ARG2: variants seen among roughly 807,000 people sequenced by gnomAD.
ARG2 encodes the protein arginase 2.
A neutral mutation model predicts 39.4 loss-of-function variants in ARG2; 21 were observed. That is an observed-to-expected ratio of 0.53 (90% CI 0.38 to 0.77). The LOEUF (loss-of-function observed/expected upper bound fraction) is 0.77. Among genes scored for constraint, ARG2 ranks in the 30% least tolerant of loss-of-function variants. ARG2 has a pLI of 0.00. For synonymous variants in ARG2, 150 were observed against 156.7 expected (o/e 0.96, Z 0.32); for missense variants, 378 against 426.2 (o/e 0.89, Z 1.00).
intron 2 of ARG2, among the ~76,000 whole-genome samples, chr14:67,633,111 C>T (rs10150340): frequency 0.031 from 4,668 of 152,198 alleles, 223 homozygotes; most frequent in African/African-American, 0.1. Context: ...TGAGCCACTG[C>T]GCCCGGCCAA....
intron 2 of ARG2, 87 bp downstream of exon 2, chr14:67,621,053 C>A: frequency 1.5e-6 from 2 of 1,309,730 alleles, no homozygotes; most frequent in African/African-American, 1.5e-5. Context: ...GACTACACAG[C>A]TTTGTGTTTG....
intron 2 of ARG2, among the ~76,000 whole-genome samples, chr14:67,631,544 T>C (rs2036919560): frequency 6.7e-6 from 1 of 148,916 alleles, no homozygotes; most frequent in African/African-American, 2.5e-5. Flanking sequence ...CAAACGATCC[T>C]CCTACTTTAG....
chr14:67,651,274 C>T lies in ARG2; in HGVS notation c.*354C>T, dbSNP rs1430775320. On this transcript the variant is annotated 3_prime_UTR_variant, in exon 8 of 8. Transcript: ENST00000261783. The stretch of plus-strand genomic sequence containing the variant: ...CCTCCCACAGCCTGGCTATACAGTG[C>T]ATCCTTGAACTGTCAGCCCACAGCA... The T allele has an allele frequency of 3.8e-6, 6 of 1,587,990 alleles. No individual in the cohort carries two copies. The highest frequency in any genetic ancestry group is 5.1e-6 in the Non-Finnish European group (6 of 1,167,794).
chr14:67,625,677 T>C (rs2036857542), intron 2 of ARG2, among the ~76,000 whole-genome samples: 1 of 72,064 alleles, frequency 1.4e-5, no homozygotes, highest in African/African-American at 8.2e-5. Flanking sequence ...CAAAACTCCA[T>C]CTCAAAAAAA....
At chr14:67,644,327 A>G (rs1321280594) in intron 3 of ARG2, among the ~76,000 whole-genome samples, 2 of 152,166 alleles carry the variant, frequency 1.3e-5, no homozygotes, top group Non-Finnish European at 1.5e-5. Flanking sequence ...TATTATCCCT[A>G]TCTCACAGAA....
rs569627064 is a variant in ARG2, at chr14:67,621,687, C to T, written c.184+721C>T. On this transcript the variant is annotated intron_variant, in intron 2 of 7. Coordinates refer to ENST00000261783, the MANE Select transcript of ARG2 (RefSeq NM_001172.4). ...CTTGAACTCCTGACCTCAGGTGATC[C>T]GCCCACCTCAGCTTCCCAAAGTGCT... 9.1e-4 allele frequency among the ~76,000 whole-genome samples: 138 copies of T among 151,476 alleles called. 1 individual carries two copies. Among genetic ancestry groups the T allele is most frequent in the Non-Finnish European group, 2.9e-4 (20 of 67,892 alleles).
chr14:67,647,791 A>G (rs539191345), intron 6 of ARG2: 21 of 454,464 alleles, frequency 4.6e-5, no homozygotes, highest in Non-Finnish European at 7.1e-5. Context: ...TAAGGCAGAA[A>G]TATACATTGG....
intron 2 of ARG2, among the ~76,000 whole-genome samples, chr14:67,638,597 C>A (rs2036997007): frequency 6.6e-6 from 1 of 152,126 alleles, no homozygotes; most frequent in Non-Finnish European, 1.5e-5. Context: ...CCTTACCTGG[C>A]ACTGAAACTG....
intron 2 of ARG2, among the ~76,000 whole-genome samples, chr14:67,621,454 CTTT>C (rs551156183): frequency 6.9e-6 from 1 of 145,512 alleles, no homozygotes; most frequent in Non-Finnish European, 1.5e-5. Context: ...TTTCCGTGTT[CTTT>C]TTTTTTTTCT....
chr14:67,650,983 T>C lies in ARG2; in HGVS notation c.*63T>C, dbSNP rs551234244. 26 of 1,483,482 alleles carry C rather than the reference T, an allele frequency of 1.8e-5. 1 individual carries two copies. In the East Asian group the frequency reaches 2.3e-4, roughly 13 times the overall value. The allele number at this position is 1,483,482 out of a possible 1,614,324, so 91.9% of individuals were successfully genotyped here. ...CCAGAATTATGAGGCATTGAGGGGATAGATGAATACTAAATGGTTGTCTGG... is the reference window on the plus strand; with the variant it reads ...CCAGAATTATGAGGCATTGAGGGGACAGATGAATACTAAATGGTTGTCTGG... On this transcript the variant is annotated 3_prime_UTR_variant, in exon 8 of 8. Coordinates refer to ENST00000261783, the MANE Select transcript of ARG2 (RefSeq NM_001172.4).
chr14:67,641,217 T>C (rs922358610), intron 2 of ARG2, among the ~76,000 whole-genome samples: 4 of 152,148 alleles, frequency 2.6e-5, no homozygotes, highest in Non-Finnish European at 4.4e-5. Flanking sequence ...CTTCAGGCTA[T>C]GTGTATAAAG....
chr14:67,640,470 A>C (rs990326552), intron 2 of ARG2, among the ~76,000 whole-genome samples: 2 of 152,180 alleles, frequency 1.3e-5, no homozygotes, highest in East Asian at 3.8e-4. Context: ...TGTTATGGTC[A>C]CTGCTCCTCA....
chr14:67,636,261 CAA>C (rs77716844), intron 2 of ARG2, among the ~76,000 whole-genome samples: 3 of 142,686 alleles, frequency 2.1e-5, no homozygotes, highest in African/African-American at 7.7e-5. Context: ...CTTATGCTGT[CAA>C]AAAAAAAAAC....
At chr14:67,638,705 C>T (rs2036998256) in intron 2 of ARG2, among the ~76,000 whole-genome samples, 1 of 152,166 alleles carries the variant, frequency 6.6e-6, no homozygotes, top group African/African-American at 2.4e-5. Flanking sequence ...TCAGGCAGGG[C>T]CTCTCAAGGT....
At chr14:67,626,515 C>T (rs1371665065) in intron 2 of ARG2, among the ~76,000 whole-genome samples, 1 of 152,144 alleles carries the variant, frequency 6.6e-6, no homozygotes, top group Non-Finnish European at 1.5e-5. Context: ...AACATATATT[C>T]ACACAAACTT....
At chr14:67,639,069 G>C (rs2037003142) in intron 2 of ARG2, among the ~76,000 whole-genome samples, 1 of 152,226 alleles carries the variant, frequency 6.6e-6, no homozygotes, top group Non-Finnish European at 1.5e-5. Context: ...CCTGTAATGA[G>C]AGCAGAGTGG....
intron 2 of ARG2, among the ~76,000 whole-genome samples, chr14:67,630,405 A>G (rs536355306): frequency 6.6e-6 from 1 of 152,270 alleles, no homozygotes; most frequent in Admixed American, 6.5e-5. Context: ...ATGGTGCCAG[A>G]TGGTTGTAGC....
Position 67,646,744 on chromosome 14 carries a change from T to C in ARG2, c.617+6T>C, listed in dbSNP as rs369996960. 9 of 1,604,202 alleles carry C rather than the reference T, an allele frequency of 5.6e-6. No individual in the cohort carries two copies. In the African/African-American group the frequency reaches 1.1e-4, roughly 19 times the overall value. ...GACGTGGACCCTCCTGAACAGTAAG[T>C]TGATGCATTTGGCTGAAGTTTAGGG... On this transcript the variant is annotated splice_donor_region_variant and intron_variant, in intron 5 of 7. Coordinates refer to ENST00000261783, the MANE Select transcript of ARG2 (RefSeq NM_001172.4).
At chr14:67,645,026 T>C (rs1379230295) in intron 3 of ARG2, among the ~76,000 whole-genome samples, 1 of 151,534 alleles carries the variant, frequency 6.6e-6, no homozygotes, top group African/African-American at 2.4e-5. Context: ...TTGAATGCCA[T>C]GCTAATATAT....
Sources: allele counts gnomAD v4.1 joint callset (sites outside exome capture counted in the v4.1 genomes callset), GRCh38; gene constraint gnomAD v4.1.1; transcripts MANE v1.5; gene names NCBI Gene and HGNC (gene_info 2026-07-23, HGNC 2026-07-21).